PRH1: variants seen among roughly 807,000 people sequenced by gnomAD.
PRH1 encodes the protein proline rich protein HaeIII subfamily 1.
A neutral mutation model predicts 7.9 loss-of-function variants in PRH1; 7 were observed. The ratio of observed to expected loss-of-function variants is 0.89; its 90% CI spans 0.50 to 1.67. The LOEUF (loss-of-function observed/expected upper bound fraction) is 1.67, where lower values mean the gene tolerates loss of function less well. Ranked by LOEUF, PRH1 falls within the 40% of genes most tolerant of loss-of-function variation. The probability of loss-of-function intolerance (pLI) is 0.00; values close to 1 mark genes in which losing one functional copy is unlikely to be tolerated. For missense variants in PRH1, 109 were observed against 223.6 expected (o/e 0.49, Z 3.27); for synonymous variants, 45 against 80.8 (o/e 0.56, Z 2.38).
intron 1 of PRH1, among the ~76,000 whole-genome samples, chr12:11,099,557 C>T (rs1485462063): frequency 6.6e-6 from 1 of 152,038 alleles, no homozygotes; most frequent in East Asian, 1.9e-4. Context: ...ATTAGGTGGG[C>T]TCAGTGGAGT....
At chr12:10,981,648 A>G (rs1227045673) in intron 1 of PRH1, among the ~76,000 whole-genome samples, 1 of 152,016 alleles carries the variant, frequency 6.6e-6, no homozygotes, top group South Asian at 2.1e-4. Flanking sequence ...TGCTGGGATT[A>G]CAGGCATGAG....
chr12:11,133,386 T>G, intron 1 of PRH1: 1 of 1,613,940 alleles, frequency 6.2e-7, no homozygotes, highest in Non-Finnish European at 8.5e-7. Context: ...AAAATCTGCT[T>G]TAGCTTCTTG....
At chr12:10,931,864 C>G (rs1349689309) in intron 2 of PRH1, among the ~76,000 whole-genome samples, 1 of 151,428 alleles carries the variant, frequency 6.6e-6, no homozygotes, top group East Asian at 1.9e-4. Context: ...TTGGTTTTTC[C>G]ATAATTTACT....
At chr12:10,964,658 G>C in intron 2 of PRH1, 1 of 570,726 alleles carries the variant, frequency 1.8e-6, no homozygotes, top group South Asian at 2.0e-5. Context: ...GAGGAAGGAG[G>C]TCACCGTTTG....
At chr12:10,890,606 G>A (rs139003300) in intron 2 of PRH1, among the ~76,000 whole-genome samples, 1 of 152,138 alleles carries the variant, frequency 6.6e-6, no homozygotes, top group Non-Finnish European at 1.5e-5. Flanking sequence ...CGGTGCAGTG[G>A]CTCATGCCTG....
chr12:10,997,789 CAGTGCT>C, intron 1 of PRH1: 2 of 1,613,760 alleles, frequency 1.2e-6, no homozygotes, highest in Non-Finnish European at 1.7e-6. Flanking sequence ...TGAAATTTAT[CAGTGCT>C]ATAAAGCCAT....
At chr12:11,047,633 A>G (rs1281057387), upstream of PRH1, among the ~76,000 whole-genome samples, 1 of 152,180 alleles carries the variant, frequency 6.6e-6, no homozygotes, top group African/African-American at 2.4e-5. Flanking sequence ...TTCCTATTAT[A>G]GAAATGATTT....
At chr12:11,046,984 A>C (rs1479807028) in intron 1 of PRH1, 1 of 485,438 alleles carries the variant, frequency 2.1e-6, no homozygotes, top group Non-Finnish European at 4.3e-6. Context: ...CATCAAGATT[A>C]GTGGTTTGAA....
chr12:11,140,675 T>A (rs1265880784), intron 1 of PRH1, among the ~76,000 whole-genome samples: 1 of 152,208 alleles, frequency 6.6e-6, no homozygotes, highest in Non-Finnish European at 1.5e-5. Context: ...GATGTTGAAG[T>A]GAAAGCTGAA....
intron 1 of PRH1, among the ~76,000 whole-genome samples, chr12:10,883,440 TTCC>T (rs1261043843): frequency 1.3e-5 from 2 of 152,132 alleles, no homozygotes; most frequent in Non-Finnish European, 2.9e-5. Flanking sequence ...TCCCTCCACT[TTCC>T]TCCTCTATAG....
chr12:11,001,921 GAAGT>G (rs1158541618), intron 1 of PRH1, among the ~76,000 whole-genome samples: 1 of 152,060 alleles, frequency 6.6e-6, no homozygotes, highest in Non-Finnish European at 1.5e-5. Context: ...CTTCACTTTA[GAAGT>G]AAGAGCTTGA....
chr12:10,881,748 G>C (rs1336089007), intron 3 of PRH1, among the ~76,000 whole-genome samples: 2 of 152,138 alleles, frequency 1.3e-5, no homozygotes, highest in Non-Finnish European at 2.9e-5. Context: ...GTTTTTGTTA[G>C]CTTAAGCATG....
At chr12:11,081,637 A>G (rs1263191896) in intron 1 of PRH1, among the ~76,000 whole-genome samples, 51 of 96,222 alleles carry the variant, frequency 5.3e-4, no homozygotes, top group East Asian at 1.0e-3. Flanking sequence ...GCTAACAGGC[A>G]AACTCAATGA....
intron 2 of PRH1, among the ~76,000 whole-genome samples, chr12:10,954,062 T>C (rs897164136): frequency 1.3e-5 from 2 of 152,162 alleles, no homozygotes; most frequent in African/African-American, 4.8e-5. Context: ...AAACAAATGC[T>C]AAGGGATTTG....
intron 1 of PRH1, among the ~76,000 whole-genome samples, chr12:10,976,040 A>C (rs1323848310): frequency 6.6e-6 from 1 of 152,182 alleles, no homozygotes; most frequent in Non-Finnish European, 1.5e-5. Flanking sequence ...AAAGGTACTC[A>C]GAATCTGAAC....
chr12:11,068,353 A>G (rs1017334138), intron 1 of PRH1, among the ~76,000 whole-genome samples: 1 of 152,172 alleles, frequency 6.6e-6, no homozygotes, highest in Admixed American at 6.5e-5. Flanking sequence ...GTATTTTTCC[A>G]TCTTGATAAT....
chr12:10,967,136 GT>G, intron 2 of PRH1, among the ~76,000 whole-genome samples: 1 of 138,124 alleles, frequency 7.2e-6, no homozygotes. Flanking sequence ...AAAAAAAAAA[GT>G]AGAAAAAAAC....
intron 2 of PRH1, among the ~76,000 whole-genome samples, chr12:10,935,472 A>C (rs1274344554): frequency 1.3e-5 from 2 of 152,198 alleles, no homozygotes; most frequent in Non-Finnish European, 2.9e-5. Flanking sequence ...CTCTATATTA[A>C]TCCCACACAG....
At chr12:11,092,195 A>T (rs1168416587) in intron 1 of PRH1, 2 of 1,323,074 alleles carry the variant, frequency 1.5e-6, no homozygotes, top group Non-Finnish European at 2.1e-6. Flanking sequence ...AACCACTACC[A>T]GACTGGAAAA....
Sources: allele counts gnomAD v4.1 joint callset (sites outside exome capture counted in the v4.1 genomes callset), GRCh38; gene constraint gnomAD v4.1.1; transcripts MANE v1.5; gene names NCBI Gene and HGNC (gene_info 2026-07-23, HGNC 2026-07-21).